The following RELN variants were observed in gnomAD, a reference collection of about 807,000 sequenced individuals.
RELN encodes reelin.
RELN carries 108 observed loss-of-function variants against 427.6 expected under a neutral mutation model. That is an observed-to-expected ratio of 0.25 (90% CI 0.22 to 0.30). The LOEUF is 0.30. RELN is among the 10% of genes least tolerant of loss of function. The probability of loss-of-function intolerance (pLI) is 1.00; values close to 1 mark genes in which losing one functional copy is unlikely to be tolerated. For synonymous variants in RELN, 1,524 were observed against 1,513.4 expected (o/e 1.01, Z -0.16); for missense variants, 3,715 against 4,302.8 (o/e 0.86, Z 3.82).
intron 2 of RELN, among the ~76,000 whole-genome samples, chr7:103,877,051 T>A (rs1304280121): frequency 6.6e-6 from 1 of 152,102 alleles, no homozygotes; most frequent in Non-Finnish European, 1.5e-5. Flanking sequence ...CCCTATGCCC[T>A]CACCCAGTGT....
intron 23 of RELN, among the ~76,000 whole-genome samples, chr7:103,604,047 A>G (rs750674259): frequency 7.9e-5 from 12 of 152,276 alleles, no homozygotes; most frequent in South Asian, 2.1e-4. Flanking sequence ...GTGCTCTAAG[A>G]TTCTCAGTGG....
rs1413129555 is a variant in RELN at position 103,472,723 on chromosome 7, T to C, written c.*89A>G. ...GTAATCACCAAGTCCTTCACAGATATTTCCTGATATCAGATGTAGTGCGAG... is the reference window on the plus strand; with the variant it reads ...GTAATCACCAAGTCCTTCACAGATACTTCCTGATATCAGATGTAGTGCGAG... On this transcript the variant is annotated 3_prime_UTR_variant, in exon 65 of 65. Coordinates refer to ENST00000428762, the MANE Select transcript of RELN (RefSeq NM_005045.4). The C allele has an allele frequency of 1.9e-6, 2 of 1,048,520 alleles. No homozygotes were observed. 65.0% of individuals were successfully genotyped at this position (1,048,520 alleles called of 1,614,324 possible).
In RELN at chr7:103,594,363, C is replaced by T; in HGVS notation, c.3669G>A (p.Lys1223=). The T allele has an allele frequency of 1.9e-6, 3 of 1,614,024 alleles. No individual in the cohort carries two copies. Among genetic ancestry groups the T allele is most frequent in the Non-Finnish European group, 2.5e-6 (3 of 1,179,916 alleles). The change falls in exon 26 of 65, where the codon AAG becomes AAA. Residue 1223 remains lysine, a synonymous_variant. Coordinates refer to ENST00000428762, the MANE Select transcript of RELN (RefSeq NM_005045.4). The part of the protein sequence containing the change: ...AVDDIIILSE[K]QKQIIPVINP... The stretch of plus-strand genomic sequence containing the variant: ...TGATAACTGGGATGATCTGCTTCTG[C>T]TTCTCGGACAGAATGATGATGTCAT...
chr7:103,587,378 C>T (rs1273248242), intron 28 of RELN, among the ~76,000 whole-genome samples: 1 of 152,098 alleles, frequency 6.6e-6, no homozygotes, highest in African/African-American at 2.4e-5. Flanking sequence ...CAAAAATCAA[C>T]TCAAAATGGA....
chr7:103,486,338 G>A lies in RELN; in HGVS notation c.9842C>T (p.Ala3281Val). The A allele has an allele frequency of 6.2e-7, 1 of 1,614,150 alleles. No individual in the cohort carries two copies. Residue 3281 changes from alanine (A) to valine (V), a missense_variant, in exon 61 of 65, where the codon GCA becomes GTA. This residue lies in a region of RELN where 195 missense variants were observed against 281.3 expected (regional missense o/e 0.69). Transcript: ENST00000428762. The stretch of plus-strand genomic sequence containing the variant: ...TCCACCTTGAATGGTCTCCCAGTTT[G>A]CCTCGGTGACTCTTGCGGACTCAAA... ...DNFESARVTE[A>V]NWETIQGGVI...
chr7:103,568,904 G>A (rs1830820634), intron 31 of RELN, among the ~76,000 whole-genome samples: 1 of 152,154 alleles, frequency 6.6e-6, no homozygotes, highest in South Asian at 2.1e-4. Context: ...TATGGTCTGA[G>A]ACCAGCACCT....
chr7:103,812,761 A>G (rs973250885), intron 3 of RELN, among the ~76,000 whole-genome samples: 1 of 152,332 alleles, frequency 6.6e-6, no homozygotes, highest in Middle Eastern at 3.4e-3. Flanking sequence ...TCTATGCAGA[A>G]TCTCAATACA....
intron 16 of RELN, among the ~76,000 whole-genome samples, chr7:103,642,463 TC>T (rs1309341078): frequency 1.4e-5 from 2 of 147,032 alleles, no homozygotes; most frequent in Non-Finnish European, 3.0e-5. Flanking sequence ...TGTGAAAACC[TC>T]ACATAGAATG....
At chr7:103,942,897 G>A (rs917924454) in intron 1 of RELN, among the ~76,000 whole-genome samples, 3 of 149,014 alleles carry the variant, frequency 2.0e-5, no homozygotes, top group Non-Finnish European at 4.4e-5. Context: ...GGGCGACAGA[G>A]CAAGACTCCA....
At chr7:103,839,731 C>G (rs566808470) in intron 2 of RELN, among the ~76,000 whole-genome samples, 2 of 152,318 alleles carry the variant, frequency 1.3e-5, no homozygotes, top group South Asian at 2.1e-4. Context: ...TGGCACTACT[C>G]TAAGTGCTTC....
intron 19 of RELN, among the ~76,000 whole-genome samples, chr7:103,630,745 T>C (rs958460527): frequency 3.3e-5 from 5 of 152,198 alleles, no homozygotes; most frequent in South Asian, 2.1e-4. Context: ...ACAGGTGAGA[T>C]GTGAAGCAAA....
intron 63 of RELN, among the ~76,000 whole-genome samples, chr7:103,479,452 G>A (rs73712396): frequency 0.014 from 2,062 of 152,268 alleles, 43 homozygotes; most frequent in African/African-American, 0.047. Flanking sequence ...AGTGAGGCTG[G>A]AAAAATATTA....
chr7:103,838,532 G>T (rs1793470242), intron 2 of RELN, among the ~76,000 whole-genome samples: 1 of 152,178 alleles, frequency 6.6e-6, no homozygotes. Context: ...GAATAAGAGA[G>T]TCCCAGGAAA....
At chr7:103,648,636 AAC>A (rs1832845865) in intron 16 of RELN, among the ~76,000 whole-genome samples, 1 of 152,146 alleles carries the variant, frequency 6.6e-6, no homozygotes, top group African/African-American at 2.4e-5. Context: ...AGAAATAATC[AAC>A]ACAGTGAACA....
At chr7:103,858,920 T>C (rs1009140415) in intron 2 of RELN, among the ~76,000 whole-genome samples, 2 of 152,184 alleles carry the variant, frequency 1.3e-5, no homozygotes, top group Non-Finnish European at 2.9e-5. Flanking sequence ...CATTTTACTA[T>C]ACTTAATGAA....
chr7:103,556,906 C>T, intron 38 of RELN, 71 bp downstream of exon 38: 2 of 1,274,962 alleles, frequency 1.6e-6, no homozygotes, highest in South Asian at 2.4e-5. Context: ...ACACTTCCTC[C>T]ACACCTTAGA....
chr7:103,951,748 C>A (rs566932665), intron 1 of RELN, among the ~76,000 whole-genome samples: 2 of 152,026 alleles, frequency 1.3e-5, no homozygotes, highest in South Asian at 4.2e-4. Flanking sequence ...TCTCAGCTCA[C>A]TGCAATCTCC....
chr7:103,899,024 C>T (rs1001082311), intron 2 of RELN, among the ~76,000 whole-genome samples: 3 of 151,352 alleles, frequency 2.0e-5, no homozygotes, highest in Non-Finnish European at 3.0e-5. Context: ...AAAACTAGTT[C>T]TAAGATAGAT....
chr7:103,486,568 C>G, intron 60 of RELN, 152 bp from the exon 61 acceptor site: 1 of 667,184 alleles, frequency 1.5e-6, no homozygotes, highest in Non-Finnish European at 2.6e-6. Context: ...AAAAAAAAGC[C>G]AAACAACCCC....
Sources: gnomAD v4.1 joint callset for allele counts (sites outside exome capture counted in the v4.1 genomes callset) on GRCh38, gnomAD v4.1.1 for gene constraint, gnomAD v4.1.1 regional missense constraint, MANE v1.5 for transcripts, NCBI Gene and HGNC (gene_info 2026-07-23, HGNC 2026-07-21) for gene names.